CFAP221: variants seen among roughly 807,000 people sequenced by gnomAD.
CFAP221 encodes the protein cilia- and flagella-associated protein 221.
A neutral mutation model predicts 113.1 loss-of-function variants in CFAP221; 97 were observed. The ratio of observed to expected loss-of-function variants is 0.86; its 90% confidence interval spans 0.73 to 1.02. The LOEUF (loss-of-function observed/expected upper bound fraction) is 1.02. Ranked by LOEUF, CFAP221 falls within the 50% of genes least tolerant of loss-of-function variation. The pLI is 0.00. For missense variants in CFAP221, 1,025 were observed against 1,013.4 expected (o/e 1.01, Z -0.16); for synonymous variants, 331 against 354.4 (o/e 0.93, Z 0.74).
In CFAP221 at chr2:119,574,592, C is replaced by G. The variant is rs143088215; in HGVS notation, c.527+12478C>G. On this transcript the variant is annotated intron_variant, in intron 6 of 23. Coordinates refer to ENST00000413369, the MANE Select transcript of CFAP221 (RefSeq NM_001271049.2). Reference sequence around the variant, plus strand: ...GCTTTCTGGGTTCTCTTCCTCCTTGCCTGATTAATACAGCTGTCAAACCTG... The same window carrying G: ...GCTTTCTGGGTTCTCTTCCTCCTTGGCTGATTAATACAGCTGTCAAACCTG... Among the ~76,000 whole-genome samples, 176 of 152,246 alleles carry G rather than the reference C, an allele frequency of 1.2e-3. 1 individual carries two copies. The highest frequency in any genetic ancestry group is 4.1e-3 in the African/African-American group (169 of 41,540).
At chr2:119,576,784 A>G (rs1027137577) in intron 6 of CFAP221, among the ~76,000 whole-genome samples, 1 of 152,100 alleles carries the variant, frequency 6.6e-6, no homozygotes, top group Non-Finnish European at 1.5e-5. Flanking sequence ...GTTAAAACCT[A>G]TTTTACCCTC....
chr2:119,545,963 G>C (rs776187081), intron 1 of CFAP221, 122 bp from the exon 2 acceptor site: 5 of 659,174 alleles, frequency 7.6e-6, no homozygotes, highest in Non-Finnish European at 1.2e-5. Flanking sequence ...CCGCAGAGAG[G>C]AGAGCCAGGG....
intron 6 of CFAP221, among the ~76,000 whole-genome samples, chr2:119,577,867 ACC>A (rs1348966844): frequency 6.6e-6 from 1 of 152,154 alleles, no homozygotes. Context: ...CTGTATAAAA[ACC>A]ACCCCGAAGG....
chr2:119,612,896 G>A (rs888932154), intron 13 of CFAP221, among the ~76,000 whole-genome samples: 2 of 152,180 alleles, frequency 1.3e-5, no homozygotes, highest in African/African-American at 2.4e-5. Flanking sequence ...CTGAGACAGG[G>A]CAAGTCCCTT....
chr2:119,598,391 C>G (rs1038569815), intron 7 of CFAP221, among the ~76,000 whole-genome samples: 1 of 152,162 alleles, frequency 6.6e-6, no homozygotes, highest in Non-Finnish European at 1.5e-5. Flanking sequence ...TTTTTCAGTG[C>G]TGTTACTTTT....
rs371359569 is a variant in CFAP221 at position 119,627,781 on chromosome 2, G to A, written c.1645G>A (p.Glu549Lys). 1.2e-4 allele frequency: 187 copies of A among 1,613,388 alleles called. No homozygotes were observed. Among genetic ancestry groups the A allele is most frequent in the Non-Finnish European group, 1.5e-4 (181 of 1,179,800 alleles). ...PDCSPPQDSN[E>K]LAPDGLGLVP... ...CTGCAGCCCACCCCAGGACTCCAAC[G>A]AGTTGGTAGGTGCCGTCAGGCTTGG... Residue 549 changes from glutamate (E) to lysine (K), a missense_variant, in exon 16 of 24, where the codon GAG (glutamate) becomes AAG (lysine). Coordinates refer to ENST00000413369, the MANE Select transcript of CFAP221 (RefSeq NM_001271049.2).
chr2:119,639,750 G>T (rs199869721), intron 20 of CFAP221, 31 bp from the exon 21 acceptor site: 2 of 1,568,090 alleles, frequency 1.3e-6, no homozygotes, highest in Admixed American at 3.3e-5. Flanking sequence ...TCACCAAACA[G>T]TTGCTTCCCA....
Position 119,629,874 on chromosome 2 carries a change from G to A in CFAP221, c.1651-1G>A, listed in dbSNP as rs1373886598. The A allele has an allele frequency of 6.2e-7, 1 of 1,608,670 alleles. No individual in the cohort carries two copies. Among genetic ancestry groups the A allele is most frequent in the Non-Finnish European group, 8.5e-7 (1 of 1,176,244 alleles). On this transcript the variant is annotated splice_acceptor_variant, in intron 16 of 23. Transcript: ENST00000413369. LOFTEE classifies it high-confidence loss of function. ...TCTTTTTTTCTCCTTTCACATTTTA[G>A]GCTCCTGATGGCCTTGGACTGGTCC...
At chr2:119,630,077 C>G (rs997055794) in intron 17 of CFAP221, 122 bp downstream of exon 17, 3 of 831,634 alleles carry the variant, frequency 3.6e-6, no homozygotes, top group Non-Finnish European at 5.5e-6. Flanking sequence ...GTGGCACACT[C>G]TACTGTTTTT....
intron 23 of CFAP221, among the ~76,000 whole-genome samples, chr2:119,653,572 C>T (rs955271557): frequency 2.6e-5 from 4 of 152,144 alleles, no homozygotes; most frequent in African/African-American, 4.8e-5. Context: ...TGCCAATGAA[C>T]GTGTAAACTC....
chr2:119,613,121 C>T (rs1685293494), intron 13 of CFAP221, among the ~76,000 whole-genome samples: 1 of 152,258 alleles, frequency 6.6e-6, no homozygotes, highest in Non-Finnish European at 1.5e-5. Context: ...ACATCCACGT[C>T]ATGCTGATGC....
intron 7 of CFAP221, among the ~76,000 whole-genome samples, chr2:119,593,730 C>T (rs553223207): frequency 2.6e-5 from 4 of 151,926 alleles, no homozygotes; most frequent in South Asian, 4.2e-4. Flanking sequence ...TCCCAGCTAC[C>T]GGGAGGCTGA....
chr2:119,573,401 G>GA (rs1682207823), intron 6 of CFAP221: 3 of 152,228 alleles, frequency 2.0e-5, no homozygotes, highest in Admixed American at 2.0e-4. Flanking sequence ...TGATGGAAAG[G>GA]AGCAGCAGCA....
intron 14 of CFAP221, among the ~76,000 whole-genome samples, chr2:119,617,611 A>G (rs1298415500): frequency 2.0e-5 from 3 of 152,192 alleles, no homozygotes; most frequent in African/African-American, 7.2e-5. Context: ...TGTCAGTTCT[A>G]TGTGCCAATG....
chr2:119,592,849 C>A (rs1259966343), intron 7 of CFAP221, among the ~76,000 whole-genome samples: 3 of 152,338 alleles, frequency 2.0e-5, no homozygotes, highest in Middle Eastern at 3.4e-3. Context: ...GGAGGCTGGG[C>A]TGAGTTGTTC....
chr2:119,602,611 T>A, intron 8 of CFAP221: 1 of 985,212 alleles, frequency 1.0e-6, no homozygotes, highest in Non-Finnish European at 1.2e-6. Context: ...TTCCTAAAAA[T>A]TCAAAGCAGC....
chr2:119,585,097 C>T (rs1052943767), intron 6 of CFAP221, among the ~76,000 whole-genome samples: 1 of 152,152 alleles, frequency 6.6e-6, no homozygotes, highest in African/African-American at 2.4e-5. Flanking sequence ...GAATACTCTT[C>T]ACTCGTTAAA....
At chr2:119,639,937 C>A (rs184712316) in intron 21 of CFAP221, 65 bp downstream of exon 21, 523 of 1,380,566 alleles carry the variant, frequency 3.8e-4, no homozygotes, top group Middle Eastern at 1.8e-3. Flanking sequence ...GGCAATGATC[C>A]CCAAAAGTTA....
intron 6 of CFAP221, among the ~76,000 whole-genome samples, chr2:119,570,362 T>C (rs1179401123): frequency 1.3e-5 from 2 of 152,238 alleles, no homozygotes; most frequent in East Asian, 1.9e-4. Context: ...GACACACTTA[T>C]ACTTTCCAAA....
Sources: allele counts gnomAD v4.1 joint callset (sites outside exome capture counted in the v4.1 genomes callset), GRCh38; gene constraint gnomAD v4.1.1; transcripts MANE v1.5; gene names NCBI Gene and HGNC (gene_info 2026-07-23, HGNC 2026-07-21).